STK39: variants seen among roughly 807,000 people sequenced by gnomAD.
The protein encoded by STK39 is STE20/SPS1-related proline-alanine-rich protein kinase.
STK39 carries 20 observed loss-of-function variants against 77.8 expected under a neutral mutation model. The observed-to-expected ratio is 0.26, with a 90% CI of 0.18 to 0.37. The LOEUF (loss-of-function observed/expected upper bound fraction) is 0.37. STK39 is among the 10% of genes least tolerant of loss of function. The pLI, the probability that STK39 is intolerant of heterozygous loss-of-function variation, is 1.00. For synonymous variants in STK39, 246 were observed against 234.1 expected (o/e 1.05, Z -0.47); for missense variants, 479 against 656.5 (o/e 0.73, Z 2.95).
At chr2:167,991,535 A>C (rs1472824273) in intron 16 of STK39, among the ~76,000 whole-genome samples, 1 of 152,100 alleles carries the variant, frequency 6.6e-6, no homozygotes, top group African/African-American at 2.4e-5. Context: ...GAGCAAGAAC[A>C]CCCTGTGATG....
Position 168,204,077 on chromosome 2 carries a change from A to C in STK39, c.209-21987T>G, listed in dbSNP as rs531548780. ...TTGAAGAATGGATATGTGTTCTTGA[A>C]ATGTTTGTGAAAGGCACCAGGTGCT... On this transcript the variant is annotated intron_variant, in intron 1 of 17. Coordinates refer to ENST00000355999, the MANE Select transcript of STK39 (RefSeq NM_013233.3). 1.2e-3 allele frequency among the ~76,000 whole-genome samples: 187 copies of C among 152,344 alleles called. 1 individual carries two copies. Among genetic ancestry groups the C allele is most frequent in the Non-Finnish European group, 2.2e-3 (150 of 68,034 alleles).
intron 1 of STK39, among the ~76,000 whole-genome samples, chr2:168,238,805 A>G (rs1434337098): frequency 6.6e-6 from 1 of 152,228 alleles, no homozygotes; most frequent in African/African-American, 2.4e-5. Flanking sequence ...ATTCTTGTCT[A>G]GTATCAAAAA....
intron 1 of STK39, among the ~76,000 whole-genome samples, chr2:168,242,298 C>T (rs1690777605): frequency 6.6e-6 from 1 of 151,936 alleles, no homozygotes; most frequent in Non-Finnish European, 1.5e-5. Context: ...CACAGTGACT[C>T]ACGCTGTAAT....
intron 5 of STK39, among the ~76,000 whole-genome samples, chr2:168,150,034 G>A (rs1455756410): frequency 1.3e-5 from 2 of 152,230 alleles, no homozygotes; most frequent in Non-Finnish European, 2.9e-5. Flanking sequence ...GCAGAATCTT[G>A]AGTCCCACTC....
intron 16 of STK39, among the ~76,000 whole-genome samples, chr2:167,989,094 G>A (rs1683634783): frequency 6.6e-6 from 1 of 152,152 alleles, no homozygotes; most frequent in South Asian, 2.1e-4. Context: ...GAAAGATTAG[G>A]CCAGGGTAGG....
At chr2:167,978,049 T>C (rs1683326388) in intron 16 of STK39, among the ~76,000 whole-genome samples, 2 of 152,134 alleles carry the variant, frequency 1.3e-5, no homozygotes, top group Admixed American at 6.5e-5. Flanking sequence ...CAAAACTCAC[T>C]GAGCCAGATT....
chr2:168,046,617 A>T (rs1380996635), intron 14 of STK39, among the ~76,000 whole-genome samples: 1 of 152,204 alleles, frequency 6.6e-6, no homozygotes, highest in Non-Finnish European at 1.5e-5. Context: ...CTCTTCAGAG[A>T]GTCCCACAAG....
intron 1 of STK39, 25 bp downstream of exon 1, chr2:168,247,203 G>A (rs1204768789): frequency 6.8e-6 from 8 of 1,183,688 alleles, no homozygotes; most frequent in African/African-American, 3.3e-5. Flanking sequence ...GCCTGTGCCG[G>A]CCCCGCCGCG....
chr2:168,080,254 T>G (rs567270804), intron 10 of STK39, among the ~76,000 whole-genome samples: 2 of 152,272 alleles, frequency 1.3e-5, no homozygotes, highest in South Asian at 4.2e-4. Flanking sequence ...AAGAGGTGAC[T>G]TGGGTGCTGT....
At chr2:168,048,767 G>A (rs1025682229) in intron 14 of STK39, among the ~76,000 whole-genome samples, 2 of 152,140 alleles carry the variant, frequency 1.3e-5, no homozygotes, top group South Asian at 2.1e-4. Flanking sequence ...TAGCAACCCC[G>A]CCACCTGACA....
intron 8 of STK39, among the ~76,000 whole-genome samples, chr2:168,135,281 G>A (rs1394032585): frequency 6.6e-6 from 1 of 151,820 alleles, no homozygotes; most frequent in African/African-American, 2.4e-5. Context: ...ATAACGAATG[G>A]CAATCTTAAT....
intron 2 of STK39, among the ~76,000 whole-genome samples, chr2:168,174,849 A>C (rs1688917538): frequency 6.6e-6 from 1 of 151,624 alleles, no homozygotes; most frequent in Non-Finnish European, 1.5e-5. Context: ...AAAAAAAAAA[A>C]AAACACCCAA....
At chr2:168,129,863 T>C in intron 8 of STK39, 105 bp from the exon 9 acceptor site, 2 of 1,295,960 alleles carry the variant, frequency 1.5e-6, no homozygotes, top group Non-Finnish European at 2.2e-6. Flanking sequence ...AGACCAATTT[T>C]AGTAATAGCA....
intron 16 of STK39, among the ~76,000 whole-genome samples, chr2:167,996,472 G>A (rs372269915): frequency 3.7e-4 from 56 of 152,296 alleles, no homozygotes; most frequent in African/African-American, 1.3e-3. Flanking sequence ...GCAGCCATGG[G>A]GCTATGAAGG....
intron 3 of STK39, among the ~76,000 whole-genome samples, chr2:168,164,832 CAT>C (rs1348216842): frequency 6.6e-6 from 1 of 152,198 alleles, no homozygotes; most frequent in East Asian, 1.9e-4. Flanking sequence ...TGTTTCAACA[CAT>C]ATTAATTAGT....
intron 14 of STK39, among the ~76,000 whole-genome samples, chr2:168,062,191 C>T (rs975545731): frequency 1.3e-5 from 2 of 152,266 alleles, no homozygotes; most frequent in South Asian, 4.1e-4. Flanking sequence ...TAGACTAAAA[C>T]CTTGGTAGTC....
At chr2:168,106,438 T>C (rs1367786688) in intron 10 of STK39, among the ~76,000 whole-genome samples, 1 of 152,086 alleles carries the variant, frequency 6.6e-6, no homozygotes, top group Non-Finnish European at 1.5e-5. Flanking sequence ...ATACCTCTTC[T>C]CCTATTGGCT....
At chr2:167,959,690 T>C in intron 17 of STK39, among the ~76,000 whole-genome samples, 1 of 152,216 alleles carries the variant, frequency 6.6e-6, no homozygotes, top group Non-Finnish European at 1.5e-5. Context: ...ATGTGTCCTG[T>C]AGCTGAAATT....
intron 14 of STK39, among the ~76,000 whole-genome samples, chr2:168,018,602 T>C (rs975805181): frequency 7.5e-5 from 8 of 106,182 alleles, no homozygotes; most frequent in Non-Finnish European, 1.1e-4. Context: ...AAGAAAGAAA[T>C]TGCAGTAGGA....
Sources: allele counts gnomAD v4.1 joint callset (sites outside exome capture counted in the v4.1 genomes callset), GRCh38; gene constraint gnomAD v4.1.1; transcripts MANE v1.5; gene names NCBI Gene and HGNC (gene_info 2026-07-23, HGNC 2026-07-21).